RBKS: variants seen among roughly 807,000 people sequenced by gnomAD.
RBKS encodes the protein ribokinase.
A neutral mutation model predicts 33.9 loss-of-function variants in RBKS; 33 were observed. The observed-to-expected ratio is 0.97, with a 90% CI of 0.74 to 1.30. The LOEUF (loss-of-function observed/expected upper bound fraction) is 1.30, where lower values mean the gene tolerates loss of function less well. Among genes scored for constraint, RBKS ranks in the 50% most tolerant of loss-of-function variants. The pLI is 0.00. For synonymous variants in RBKS, 125 were observed against 143.0 expected, an observed-to-expected ratio of 0.87 and a Z score of 0.90; for missense variants, 361 against 392.6, an observed-to-expected ratio of 0.92 and a Z score of 0.68.
At chr2:27,816,209 A>G (rs1025521248) in intron 7 of RBKS, among the ~76,000 whole-genome samples, 34 of 152,264 alleles carry the variant, frequency 2.2e-4, no homozygotes, top group African/African-American at 8.0e-4. Context: ...CACACGCAGG[A>G]TTAAGAAAGA....
At chr2:27,861,598 CAAGT>C (rs1345872077) in intron 1 of RBKS, 3 of 464,902 alleles carry the variant, frequency 6.5e-6, no homozygotes, top group Non-Finnish European at 1.3e-5. Flanking sequence ...AACCCTGATG[CAAGT>C]AATACACGAG....
At chr2:27,870,933 AC>A (rs1558556113) in intron 1 of RBKS, 1 of 456,428 alleles carries the variant, frequency 2.2e-6, no homozygotes, top group South Asian at 1.5e-5. Context: ...TGCCTTGTCA[AC>A]ATCGGTAGAC....
At chr2:27,842,172 C>T (rs950097946) in intron 5 of RBKS, among the ~76,000 whole-genome samples, 10 of 152,092 alleles carry the variant, frequency 6.6e-5, no homozygotes, top group African/African-American at 2.2e-4. Flanking sequence ...GATGCTTTCC[C>T]CACTAGTCAG....
At chr2:27,836,738 A>C (rs1678528450) in intron 5 of RBKS, among the ~76,000 whole-genome samples, 1 of 152,234 alleles carries the variant, frequency 6.6e-6, no homozygotes, top group African/African-American at 2.4e-5. Flanking sequence ...AAATATTTGC[A>C]AACTATGCAT....
chr2:27,856,946 C>G (rs1362849782), intron 2 of RBKS, among the ~76,000 whole-genome samples: 3 of 152,182 alleles, frequency 2.0e-5, no homozygotes, highest in African/African-American at 7.2e-5. Context: ...ATTAATTACA[C>G]TGATATTTTA....
chr2:27,871,485 C>T (rs1374191462), intron 1 of RBKS, among the ~76,000 whole-genome samples: 2 of 152,190 alleles, frequency 1.3e-5, no homozygotes, highest in Non-Finnish European at 2.9e-5. Context: ...TAAAAGTCTT[C>T]TGCTGTCTCA....
At chr2:27,848,230 TTAATA>T in intron 2 of RBKS, 133 bp from the exon 3 acceptor site, 1 of 552,930 alleles carries the variant, frequency 1.8e-6, no homozygotes, top group Non-Finnish European at 3.2e-6. Flanking sequence ...ATTAATCTTC[TTAATA>T]TAAGATGCTA....
chr2:27,864,214 G>A (rs1664043945), intron 1 of RBKS, among the ~76,000 whole-genome samples: 1 of 151,878 alleles, frequency 6.6e-6, no homozygotes, highest in African/African-American at 2.4e-5. Context: ...GTAGAAATGG[G>A]GTCTCGCTAT....
chr2:27,809,292 G>A (rs1369643034), intron 7 of RBKS, among the ~76,000 whole-genome samples: 1 of 152,216 alleles, frequency 6.6e-6, no homozygotes, highest in Non-Finnish European at 1.5e-5. Flanking sequence ...GGCCCTCACC[G>A]CTCTGCTGGC....
intron 7 of RBKS, among the ~76,000 whole-genome samples, chr2:27,790,829 C>A (rs1000186332): frequency 2.6e-5 from 4 of 152,162 alleles, no homozygotes; most frequent in African/African-American, 9.7e-5. Context: ...TGTGGGAATG[C>A]AAAATGATAC....
At chr2:27,831,593 T>C (rs953126041) in intron 6 of RBKS, among the ~76,000 whole-genome samples, 3 of 152,186 alleles carry the variant, frequency 2.0e-5, no homozygotes, top group Non-Finnish European at 2.9e-5. Flanking sequence ...GAGATGAAAT[T>C]ATCAAGAAAG....
At position 27,794,594 on chromosome 2, in the gene RBKS, G is replaced by C. The variant is rs184105005; in HGVS notation, c.796-12806C>G. Among the ~76,000 whole-genome samples the C allele has an allele frequency of 3.8e-3, 579 of 150,760 alleles. 6 individuals are homozygous for C. Among genetic ancestry groups the C allele is most frequent in the African/African-American group, 0.012 (476 of 41,228 alleles). On this transcript the variant is annotated intron_variant, in intron 7 of 7. Transcript: ENST00000302188. Reference sequence around the variant, plus strand: ...ATGACACCCCCATGAAACAATGAGAGGACTGGGAGGAACACTTTCGTTTTT... The same window carrying C: ...ATGACACCCCCATGAAACAATGAGACGACTGGGAGGAACACTTTCGTTTTT...
chr2:27,820,569 CTCTCTCTCTCTT>C (rs1340437420), intron 7 of RBKS, among the ~76,000 whole-genome samples: 20 of 151,430 alleles, frequency 1.3e-4, no homozygotes, highest in Non-Finnish European at 2.8e-4. Context: ...CTCTCTCTCT[CTCTCTCTCTCTT>C]TCTTTCTTTT....
chr2:27,835,138 T>A (rs1558545252), intron 5 of RBKS, among the ~76,000 whole-genome samples: 4 of 151,838 alleles, frequency 2.6e-5, no homozygotes, highest in Admixed American at 2.6e-4. Context: ...TAGCCAGGCA[T>A]GGTGGTGCGT....
intron 7 of RBKS, among the ~76,000 whole-genome samples, chr2:27,791,485 C>T (rs928063702): frequency 2.0e-5 from 3 of 152,052 alleles, no homozygotes; most frequent in Non-Finnish European, 2.9e-5. Context: ...TCCCTCAGCA[C>T]ACTAACTGGG....
At chr2:27,801,461 G>GTA (rs200765229) in intron 7 of RBKS, among the ~76,000 whole-genome samples, 1 of 56,144 alleles carries the variant, frequency 1.8e-5, no homozygotes, top group Non-Finnish European at 3.7e-5. Flanking sequence ...AAGGGCCACA[G>GTA]TATACACACA....
intron 1 of RBKS, among the ~76,000 whole-genome samples, chr2:27,883,323 CCG>C (rs1356390820): frequency 6.6e-6 from 1 of 152,110 alleles, no homozygotes; most frequent in East Asian, 1.9e-4. Flanking sequence ...CCTCAGCCTC[CCG>C]AGTAGCTGGG....
chr2:27,817,781 C>G (rs540962736), intron 7 of RBKS, among the ~76,000 whole-genome samples: 1 of 152,282 alleles, frequency 6.6e-6, no homozygotes, highest in African/African-American at 2.4e-5. Flanking sequence ...GTAGGCCCAT[C>G]TTCCATGGCT....
rs1204476293 is a variant in RBKS at position 27,852,904 on chromosome 2, T to G, written c.223-4807A>C. Among the ~76,000 whole-genome samples, 4 of 152,216 alleles carry G rather than the reference T, an allele frequency of 2.6e-5. No homozygotes were observed. In the East Asian group the frequency reaches 7.7e-4, roughly 29 times the overall value. On this transcript the variant is annotated intron_variant, in intron 2 of 7. Transcript: ENST00000302188. ...GCTGGTTGAGGAGACTAAGTTGCAT[T>G]TGTTGTCATACAAAACCCAGCTGTT...
Sources: allele counts gnomAD v4.1 joint callset (sites outside exome capture counted in the v4.1 genomes callset), GRCh38; gene constraint gnomAD v4.1.1; transcripts MANE v1.5; gene names NCBI Gene and HGNC (gene_info 2026-07-23, HGNC 2026-07-21).